RBM45: variants seen among roughly 807,000 people sequenced by gnomAD.
RBM45 encodes RNA-binding protein 45.
Under a neutral mutation model 58.5 loss-of-function variants are expected in RBM45, and 39 were observed. That is an observed-to-expected ratio of 0.67 (90% CI 0.52 to 0.87). RBM45 has a LOEUF of 0.87. Ranked by LOEUF, RBM45 falls within the 40% of genes least tolerant of loss-of-function variation. The pLI, the probability that RBM45 is intolerant of heterozygous loss-of-function variation, is 0.00. For synonymous variants in RBM45, 193 were observed against 203.0 expected (o/e 0.95, Z 0.42); for missense variants, 481 against 581.6 (o/e 0.83, Z 1.78).
intron 7 of RBM45, 29 bp downstream of exon 7, chr2:178,123,941 A>G (rs1460050517): frequency 1.3e-6 from 2 of 1,561,924 alleles, no homozygotes; most frequent in Non-Finnish European, 8.8e-7. Flanking sequence ...AACCTTTATA[A>G]TATATCAATA....
rs1406265743 is a variant in RBM45 at position 178,112,576 on chromosome 2, C to G, written c.30C>G (p.Gly10=). The G allele has an allele frequency of 6.3e-7, 1 of 1,580,234 alleles. No homozygotes were observed. Among genetic ancestry groups the G allele is most frequent in the South Asian group, 1.2e-5 (1 of 82,100 alleles). The part of the protein sequence containing the change: MDEAGSSAS[G]GGFRPGVDSL... ...ACGAAGCTGGCAGCTCTGCGAGCGG[C>G]GGGGGCTTCCGCCCGGGCGTGGACA... is the stretch of plus-strand genomic sequence containing the variant. The change falls in exon 1 of 10, where the codon GGC becomes GGG. Residue 10 remains glycine (G), a synonymous_variant. Transcript: ENST00000286070.
chr2:178,114,515 G>GC (rs2087746416), intron 1 of RBM45, among the ~76,000 whole-genome samples: 1 of 152,176 alleles, frequency 6.6e-6, no homozygotes. Context: ...TATTTTCTTT[G>GC]TCACATTTTT....
At chr2:178,116,208 A>G in intron 1 of RBM45, 54 bp from the exon 2 acceptor site, 1 of 1,521,064 alleles carries the variant, frequency 6.6e-7, no homozygotes, top group Non-Finnish European at 8.8e-7. Context: ...AAAATTTAAG[A>G]AATGGGAAAA....
At chr2:178,137,338 A>G (rs974176331) in exon 4 of RBM45, 5 of 152,190 alleles carry the variant, frequency 3.3e-5, no homozygotes, top group Non-Finnish European at 5.9e-5. Flanking sequence ...CTAAAGTTGA[A>G]CATATGTATA....
Position 178,126,150 on chromosome 2 carries a change from T to C in RBM45, c.1399T>C (p.Ser467Pro), listed in dbSNP as rs2087926647. The C allele has an allele frequency of 1.2e-6, 2 of 1,613,820 alleles. No individual in the cohort carries two copies. The highest frequency in any genetic ancestry group is 1.7e-6 in the Non-Finnish European group (2 of 1,179,914). Residue 467 changes from serine (S) to proline (P), a missense_variant, in exon 9 of 10, where the codon TCT becomes CCT. Physicochemically the swap from Ser to Pro is moderately conservative, Grantham distance 74. Coordinates refer to ENST00000286070, the MANE Select transcript of RBM45 (RefSeq NM_152945.4). ...GCTGGCAGATTCGCCAAGAGAAGAA[T>C]CTAACAAACGGCAAAGAACTTACTG... Reference protein sequence around the residue: ...VMLADSPREESNKRQRTY With the variant: ...VMLADSPREEPNKRQRTY
downstream of RBM45, among the ~76,000 whole-genome samples, chr2:178,133,151 C>A (rs556018680): frequency 1.3e-5 from 2 of 152,282 alleles, no homozygotes; most frequent in South Asian, 4.1e-4. Context: ...AATTAAGCAT[C>A]TGGTTTTTCC....
intron 5 of RBM45, 73 bp from the exon 6 acceptor site, chr2:178,123,449 T>G: frequency 6.9e-7 from 1 of 1,442,184 alleles, no homozygotes; most frequent in Non-Finnish European, 9.2e-7. Context: ...TTCATTTTTG[T>G]GATAGATTGT....
In RBM45 at chr2:178,125,597, C is replaced by T. The variant is rs112157634; in HGVS notation, c.1233-387C>T. On this transcript the variant is annotated intron_variant, in intron 8 of 9. Coordinates refer to ENST00000286070, the MANE Select transcript of RBM45 (RefSeq NM_152945.4). ...AAAGAGTCCAAGGACAATGTCAGAACGGCTCTAGAGCTATATTAAGGAATT... is the reference window on the plus strand; with the variant it reads ...AAAGAGTCCAAGGACAATGTCAGAATGGCTCTAGAGCTATATTAAGGAATT... The T allele has an allele frequency of 2.1e-3, 816 of 382,068 alleles. 11 individuals are homozygous for T. Among genetic ancestry groups the T allele is most frequent in the African/African-American group, 0.015 (729 of 47,148 alleles). The allele number at this position is 382,068 out of a possible 1,614,324, so 23.7% of individuals were successfully genotyped here.
Position 178,120,421 on chromosome 2 carries a change from A to G in RBM45, c.673+12A>G, listed in dbSNP as rs762638176. On this transcript the variant is annotated intron_variant, in intron 4 of 9. Transcript: ENST00000286070. ...TATGTTTCCATTTGGTAAGTAGGCA[A>G]CCTTTACTTTTAATAGTATAATGTA... is the stretch of plus-strand genomic sequence containing the variant. The G allele has an allele frequency of 4.4e-6, 7 of 1,605,086 alleles. No homozygotes were observed. The highest frequency in any genetic ancestry group is 5.9e-6 in the Non-Finnish European group (7 of 1,177,382).
intron 5 of RBM45, 89 bp from the exon 6 acceptor site, chr2:178,123,433 C>A: frequency 7.4e-7 from 1 of 1,350,324 alleles, no homozygotes; most frequent in Non-Finnish European, 1.0e-6. Context: ...TAGAGTTCTA[C>A]ATGGTTTCAT....
chr2:178,134,069 AT>A (rs1351289022), downstream of RBM45, among the ~76,000 whole-genome samples: 2 of 152,164 alleles, frequency 1.3e-5, no homozygotes, highest in African/African-American at 4.8e-5. Flanking sequence ...CCCTGTGAAA[AT>A]TTATCTGAGT....
chr2:178,128,169 G>A (rs2087959472), intron 9 of RBM45, among the ~76,000 whole-genome samples: 1 of 151,768 alleles, frequency 6.6e-6, no homozygotes, highest in African/African-American at 2.4e-5. Flanking sequence ...CCATGCCCAG[G>A]TAATTTTTTT....
chr2:178,121,188 T>C lies in RBM45; in HGVS notation c.682T>C (p.Ser228Pro), dbSNP rs769661640. The C allele has an allele frequency of 1.3e-6, 2 of 1,520,382 alleles. No individual in the cohort carries two copies. The highest frequency in any genetic ancestry group is 4.6e-5 in the East Asian group (2 of 43,720). The allele number at this position is 1,520,382 out of a possible 1,614,324, so 94.2% of individuals were successfully genotyped here. A position where few individuals can be genotyped will look rare whatever the true frequency, so the allele number is the denominator to read the frequency against. Residue 228 changes from serine (S) to proline (P), a missense_variant, in exon 5 of 10, where the codon TCT becomes CCT. Transcript: ENST00000286070. Reference sequence around the variant, plus strand: ...TTTTTATATTGTCGGAGAACAACAATCTGAATTTTCAAGTTTTGACAAGAA... The same window carrying C: ...TTTTTATATTGTCGGAGAACAACAACCTGAATTTTCAAGTTTTGACAAGAA... ...RVNMFPFEQQ[S>P]EFSSFDKNDS...
chr2:178,122,448 C>T (rs1009739090), intron 5 of RBM45, among the ~76,000 whole-genome samples: 6 of 152,188 alleles, frequency 3.9e-5, no homozygotes, highest in African/African-American at 1.4e-4. Flanking sequence ...GTACCCAACC[C>T]AGCACTAGTC....
rs752818905 is a variant in RBM45, at chr2:178,112,801, G to T, written c.255G>T (p.Glu85Asp). 7 of 1,613,676 alleles carry T rather than the reference G, an allele frequency of 4.3e-6. No individual in the cohort carries two copies. Among genetic ancestry groups the T allele is most frequent in the Non-Finnish European group, 5.9e-6 (7 of 1,179,834 alleles). Reference sequence around the variant, plus strand: ...CACAGGCCTGCAGGGCCATGGAGGAGATGCATGGCCAGTGCCTCGGCCCCA... The same window carrying T: ...CACAGGCCTGCAGGGCCATGGAGGATATGCATGGCCAGTGCCTCGGCCCCA... ...RSSQACRAME[E>D]MHGQCLGPND... The change falls in exon 1 of 10, where the codon GAG becomes GAT. Residue 85 changes from glutamate to aspartate, a missense_variant. Coordinates refer to ENST00000286070, the MANE Select transcript of RBM45 (RefSeq NM_152945.4).
intron 5 of RBM45, among the ~76,000 whole-genome samples, chr2:178,122,447 C>G (rs896692757): frequency 2.0e-5 from 3 of 152,156 alleles, no homozygotes; most frequent in African/African-American, 7.2e-5. Flanking sequence ...AGTACCCAAC[C>G]CAGCACTAGT....
chr2:178,122,663 T>C (rs1574412148), intron 5 of RBM45, among the ~76,000 whole-genome samples: 1 of 152,190 alleles, frequency 6.6e-6, no homozygotes, highest in Admixed American at 6.5e-5. Flanking sequence ...GTTTTGTTTC[T>C]CTGGTTGGAT....
downstream of RBM45, among the ~76,000 whole-genome samples, chr2:178,129,912 CTCAA>C (rs1263385638): frequency 6.6e-6 from 1 of 152,102 alleles, no homozygotes; most frequent in Non-Finnish European, 1.5e-5. Flanking sequence ...GTAATTGCTA[CTCAA>C]TCTATATATG....
chr2:178,135,125 A>G (rs921168139), intron 3 of RBM45, among the ~76,000 whole-genome samples: 9 of 152,318 alleles, frequency 5.9e-5, no homozygotes, highest in African/African-American at 2.2e-4. Context: ...TCCCTCTTCT[A>G]TATTAGTACA....
Sources: gnomAD v4.1 joint callset for allele counts (sites outside exome capture counted in the v4.1 genomes callset) on GRCh38, gnomAD v4.1.1 for gene constraint, MANE v1.5 for transcripts, NCBI Gene and HGNC (gene_info 2026-07-23, HGNC 2026-07-21) for gene names.